Variants in TFEC observed in about 807,000 individuals in gnomAD.
The protein encoded by TFEC is transcription factor EC.
TFEC carries 31 observed loss-of-function variants against 41.6 expected under a neutral mutation model. The observed-to-expected ratio is 0.74, with a 90% CI of 0.56 to 1.01. TFEC has a LOEUF of 1.01. Among genes scored for constraint, TFEC ranks in the 50% least tolerant of loss-of-function variants. TFEC has a pLI of 0.00. For synonymous variants in TFEC, 143 were observed against 140.6 expected (o/e 1.02, Z -0.12); for missense variants, 402 against 404.1 (o/e 0.99, Z 0.04).
chr7:115,976,329 G>A (rs1354239412), intron 2 of TFEC, among the ~76,000 whole-genome samples: 1 of 152,114 alleles, frequency 6.6e-6, no homozygotes, highest in African/African-American at 2.4e-5. Flanking sequence ...GGAGGCTGAG[G>A]TGGGAGAATC....
In TFEC at chr7:115,935,807, T is replaced by G. The variant is rs1161285053; in HGVS notation, c.*4744A>C. The G allele has an allele frequency of 6.6e-6, 1 of 151,512 alleles. No individual in the cohort carries two copies. 9.4% of individuals were successfully genotyped at this position (151,512 alleles called of 1,614,324 possible). On this transcript the variant is annotated 3_prime_UTR_variant, in exon 8 of 8. Transcript: ENST00000265440. ...GTTATTCTTTATGCCTGTTGGATAA[T>G]GTAAGAAAAAGACATTTTACAGAGA...
Position 116,040,522 on chromosome 7 carries a change from T to A in TFEC, c.199-56009A>T, listed in dbSNP as rs924776182. Among the ~76,000 whole-genome samples, 34 of 152,330 alleles carry A rather than the reference T, an allele frequency of 2.2e-4. 1 individual carries two copies. Among genetic ancestry groups the A allele is most frequent in the Admixed American group, 2.2e-3 (34 of 15,294 alleles). ...AAATAGAAATTGCAAATATTTGATA[T>A]TTTAATATTATTTTTGCTTTACAAT... On this transcript the variant is annotated intron_variant, in intron 3 of 8. Coordinates refer to the TFEC transcript ENST00000484212.
chr7:115,988,358 A>C (rs1439530179), intron 1 of TFEC, among the ~76,000 whole-genome samples: 1 of 152,102 alleles, frequency 6.6e-6, no homozygotes, highest in African/African-American at 2.4e-5. Context: ...ATGCAAACAG[A>C]GTGATAGAAA....
At chr7:116,155,072 G>A (rs1798840306) in intron 1 of TFEC, among the ~76,000 whole-genome samples, 1 of 152,112 alleles carries the variant, frequency 6.6e-6, no homozygotes, top group Non-Finnish European at 1.5e-5. Context: ...TGCTTTCAAT[G>A]CTTTCACCAG....
rs556622174 is a variant in TFEC at position 116,079,378 on chromosome 7, G to C, written c.198+31330C>G. Among the ~76,000 whole-genome samples, 15 of 152,164 alleles carry C rather than the reference G, an allele frequency of 9.9e-5. No homozygotes were observed. In the South Asian group the frequency reaches 2.9e-3, roughly 29 times the overall value. ...TAAAGGGCATCCACATCAGTAAAGA[G>C]GAAGTCAAAATGTTAGTGTTTGTTG... On this transcript the variant is annotated intron_variant, in intron 3 of 8. Coordinates refer to the TFEC transcript ENST00000484212.
At chr7:115,992,360 G>A (rs968944135) in intron 1 of TFEC, among the ~76,000 whole-genome samples, 5 of 152,140 alleles carry the variant, frequency 3.3e-5, no homozygotes, top group Non-Finnish European at 4.4e-5. Context: ...TAAGATCAGA[G>A]CAGAACTGAA....
At chr7:116,044,449 TC>T (rs1796115446) in intron 3 of TFEC, among the ~76,000 whole-genome samples, 1 of 152,258 alleles carries the variant, frequency 6.6e-6, no homozygotes, top group African/African-American at 2.4e-5. Context: ...AAATATTATT[TC>T]TTTTCACAGT....
intron 3 of TFEC, among the ~76,000 whole-genome samples, chr7:116,094,679 CAAACA>C (rs1242272785): frequency 6.6e-6 from 1 of 152,106 alleles, no homozygotes; most frequent in Admixed American, 6.5e-5. Context: ...GACTCCGTTT[CAAACA>C]AAACAAAACA....
intron 1 of TFEC, among the ~76,000 whole-genome samples, chr7:116,158,055 C>T (rs1303450659): frequency 2.0e-5 from 3 of 152,066 alleles, no homozygotes; most frequent in Admixed American, 2.0e-4. Flanking sequence ...GAAAATACTA[C>T]CCTTTATTGT....
chr7:115,945,461 A>G (rs1791480714), intron 6 of TFEC, among the ~76,000 whole-genome samples: 1 of 151,670 alleles, frequency 6.6e-6, no homozygotes, highest in Non-Finnish European at 1.5e-5. Context: ...TAAACCCTAA[A>G]GAGGGACACT....
At chr7:116,157,641 C>A (rs985815931) in intron 1 of TFEC, among the ~76,000 whole-genome samples, 1 of 152,018 alleles carries the variant, frequency 6.6e-6, no homozygotes, top group South Asian at 2.1e-4. Flanking sequence ...GACTAGGAGA[C>A]GAACAGATGC....
At chr7:115,996,228 C>T (rs1482690722) in intron 1 of TFEC, among the ~76,000 whole-genome samples, 2 of 152,068 alleles carry the variant, frequency 1.3e-5, no homozygotes, top group Non-Finnish European at 2.9e-5. Flanking sequence ...CTTTGTCTTG[C>T]AACATGGGTA....
Position 115,939,083 on chromosome 7 carries a change from T to C in TFEC, c.*1468A>G, listed in dbSNP as rs1276006920. 6.6e-6 allele frequency: 1 copy of C among 152,094 alleles called. No homozygotes were observed. The highest frequency in any genetic ancestry group is 1.5e-5 in the Non-Finnish European group (1 of 67,980). The allele number at this position is 152,094 out of a possible 1,614,324, so 9.4% of individuals were successfully genotyped here. Reference sequence around the variant, plus strand: ...TAAAGTTTGTCAGTCATTTTCATTTTCTCTGACCTTCTGTATTTACAGTTT... The same window carrying C: ...TAAAGTTTGTCAGTCATTTTCATTTCCTCTGACCTTCTGTATTTACAGTTT... On this transcript the variant is annotated 3_prime_UTR_variant, in exon 8 of 8. Coordinates refer to ENST00000265440, the MANE Select transcript of TFEC (RefSeq NM_012252.4).
At chr7:116,031,091 C>T (rs1441887006), upstream of TFEC, among the ~76,000 whole-genome samples, 1 of 152,044 alleles carries the variant, frequency 6.6e-6, no homozygotes, top group Non-Finnish European at 1.5e-5. Context: ...TTTATTGCAA[C>T]ATGTTATGTT....
At chr7:115,963,672 T>C (rs1792688285) in intron 3 of TFEC, among the ~76,000 whole-genome samples, 1 of 151,690 alleles carries the variant, frequency 6.6e-6, no homozygotes, top group South Asian at 2.1e-4. Flanking sequence ...ATAGGATATA[T>C]ATTGTATTAT....
At chr7:115,998,250 T>C (rs1323775446) in intron 1 of TFEC, among the ~76,000 whole-genome samples, 1 of 152,134 alleles carries the variant, frequency 6.6e-6, no homozygotes, top group African/African-American at 2.4e-5. Context: ...GTCATCAACT[T>C]ACCTATTTAA....
At chr7:116,046,505 C>T (rs1304985884) in intron 3 of TFEC, among the ~76,000 whole-genome samples, 5 of 152,190 alleles carry the variant, frequency 3.3e-5, no homozygotes, top group Non-Finnish European at 4.4e-5. Context: ...CATGTGGAAC[C>T]GTAAGTCCAA....
intron 3 of TFEC, among the ~76,000 whole-genome samples, chr7:116,076,406 G>A (rs1218468973): frequency 6.6e-6 from 1 of 151,926 alleles, no homozygotes; most frequent in African/African-American, 2.4e-5. Context: ...CACCAGCAAT[G>A]GATCTAAACC....
At chr7:115,953,519 T>A (rs1792059236) in intron 5 of TFEC, among the ~76,000 whole-genome samples, 1 of 152,102 alleles carries the variant, frequency 6.6e-6, no homozygotes, top group Non-Finnish European at 1.5e-5. Flanking sequence ...ATGACTTGTT[T>A]AAGCTGCAGA....
Sources: allele counts gnomAD v4.1 joint callset (sites outside exome capture counted in the v4.1 genomes callset), GRCh38; gene constraint gnomAD v4.1.1; transcripts MANE v1.5; gene names NCBI Gene and HGNC (gene_info 2026-07-23, HGNC 2026-07-21).